Variants in KCNB2 observed in about 807,000 individuals in gnomAD.
KCNB2 encodes delayed rectifier potassium channel protein.
Under a neutral mutation model 61.5 loss-of-function variants are expected in KCNB2, and 15 were observed. The observed-to-expected ratio is 0.24, with a 90% CI of 0.16 to 0.38. The LOEUF (loss-of-function observed/expected upper bound fraction) is 0.38. Among genes scored for constraint, KCNB2 ranks in the 10% least tolerant of loss-of-function variants. The probability of loss-of-function intolerance (pLI) is 1.00; values close to 1 mark genes in which losing one functional copy is unlikely to be tolerated. For synonymous variants in KCNB2, 457 were observed against 446.0 expected (o/e 1.02, Z -0.31); for missense variants, 828 against 1,125.2 (o/e 0.74, Z 3.78).
chr8:72,855,286 T>G (rs1810188514), intron 2 of KCNB2, among the ~76,000 whole-genome samples: 1 of 152,226 alleles, frequency 6.6e-6, no homozygotes, highest in South Asian at 2.1e-4. Context: ...TAGAGAGATC[T>G]TCAAGACTGC....
At chr8:72,794,490 G>A (rs1440998610) in intron 2 of KCNB2, among the ~76,000 whole-genome samples, 6 of 150,610 alleles carry the variant, frequency 4.0e-5, no homozygotes, top group Non-Finnish European at 7.4e-5. Context: ...GCTTGAACCC[G>A]GGAGACAGAG....
At chr8:72,730,375 A>T (rs779908381) in intron 2 of KCNB2, among the ~76,000 whole-genome samples, 1 of 152,236 alleles carries the variant, frequency 6.6e-6, no homozygotes, top group Non-Finnish European at 1.5e-5. Context: ...AATTTGTATT[A>T]ATTTCAAATT....
At chr8:72,669,937 T>G (rs1227952272) in intron 2 of KCNB2, among the ~76,000 whole-genome samples, 3 of 152,200 alleles carry the variant, frequency 2.0e-5, no homozygotes, top group African/African-American at 7.2e-5. Context: ...GCCTAAGAGC[T>G]AATTAGCATC....
intron 2 of KCNB2, among the ~76,000 whole-genome samples, chr8:72,930,296 G>A (rs377051462): frequency 6.6e-6 from 1 of 151,716 alleles, no homozygotes; most frequent in East Asian, 1.9e-4. Flanking sequence ...ATGATTTATA[G>A]TCCTTTGGGT....
intron 2 of KCNB2, among the ~76,000 whole-genome samples, chr8:72,768,584 T>C (rs1187269162): frequency 1.3e-5 from 2 of 152,302 alleles, no homozygotes; most frequent in East Asian, 3.9e-4. Flanking sequence ...TTTTTTGTTG[T>C]TGTTGCTTGT....
chr8:72,675,956 T>G (rs1806647053), intron 2 of KCNB2, among the ~76,000 whole-genome samples: 1 of 152,022 alleles, frequency 6.6e-6, no homozygotes, highest in Non-Finnish European at 1.5e-5. Flanking sequence ...TAATAGCAAT[T>G]ATGTGAGTGC....
At chr8:72,763,443 G>C (rs1808416656) in intron 2 of KCNB2, among the ~76,000 whole-genome samples, 2 of 152,080 alleles carry the variant, frequency 1.3e-5, no homozygotes, top group African/African-American at 4.8e-5. Context: ...GAAAAATCCA[G>C]TGTCTAGATG....
rs78990928 is a variant in KCNB2, at chr8:72,809,753, A to C, written c.580-126182A>C. Among the ~76,000 whole-genome samples, 1,369 of 152,330 alleles carry C rather than the reference A, an allele frequency of 9.0e-3. 16 individuals carry two copies. Among genetic ancestry groups the C allele is most frequent in the African/African-American group, 0.031 (1,283 of 41,564 alleles). On this transcript the variant is annotated intron_variant, in intron 2 of 2. Coordinates refer to ENST00000523207, the MANE Select transcript of KCNB2 (RefSeq NM_004770.3). ...TTCAGTATACCATGGATGGAATCAG[A>C]CCTTCCACCTTAAAATTTAGAAACA...
intron 2 of KCNB2, among the ~76,000 whole-genome samples, chr8:72,600,092 G>T (rs929028971): frequency 5.8e-4 from 88 of 152,166 alleles, no homozygotes; most frequent in Non-Finnish European, 9.1e-4. Context: ...CCCATTATGG[G>T]GTATACACCC....
intron 2 of KCNB2, among the ~76,000 whole-genome samples, chr8:72,734,424 A>G (rs548392673): frequency 1.3e-5 from 2 of 152,336 alleles, no homozygotes; most frequent in South Asian, 4.1e-4. Context: ...ATGAAGTTAC[A>G]AACTGTTGGA....
At chr8:72,561,790 C>CATATATATATATGTATAT (rs1806539845) in intron 1 of KCNB2, among the ~76,000 whole-genome samples, 2 of 40,378 alleles carry the variant, frequency 5.0e-5, no homozygotes, top group African/African-American at 2.4e-4. Flanking sequence ...TATATATATA[C>CATATATATATATGTATAT]ATATATATAT....
intron 2 of KCNB2, among the ~76,000 whole-genome samples, chr8:72,807,279 A>G (rs1227146559): frequency 2.0e-5 from 3 of 152,218 alleles, no homozygotes; most frequent in African/African-American, 7.2e-5. Flanking sequence ...AGCTCTTGAG[A>G]TGAGCATATG....
chr8:72,740,004 A>G (rs1269981986), intron 2 of KCNB2, among the ~76,000 whole-genome samples: 7 of 152,202 alleles, frequency 4.6e-5, no homozygotes, highest in Non-Finnish European at 1.0e-4. Flanking sequence ...CTTTGGGCCT[A>G]GTATAATGAT....
intron 2 of KCNB2, among the ~76,000 whole-genome samples, chr8:72,900,291 A>G (rs1254662227): frequency 6.6e-6 from 1 of 152,224 alleles, no homozygotes; most frequent in South Asian, 2.1e-4. Flanking sequence ...CTGACTAGCC[A>G]TATGCAGAAG....
At chr8:72,734,065 A>G (rs2128993753) in intron 2 of KCNB2, among the ~76,000 whole-genome samples, 1 of 152,320 alleles carries the variant, frequency 6.6e-6, no homozygotes, top group South Asian at 2.1e-4. Context: ...AGTATTTATC[A>G]TCTGCAATCT....
chr8:72,727,339 A>C (rs1359043666), intron 2 of KCNB2, among the ~76,000 whole-genome samples: 1 of 152,212 alleles, frequency 6.6e-6, no homozygotes, highest in Admixed American at 6.5e-5. Context: ...AAATAGGGAT[A>C]AGGGCCTCAT....
At chr8:72,557,106 A>C (rs748466622) in intron 1 of KCNB2, among the ~76,000 whole-genome samples, 3 of 152,124 alleles carry the variant, frequency 2.0e-5, no homozygotes, top group Non-Finnish European at 4.4e-5. Flanking sequence ...TCAACTTGGG[A>C]AGCAGGATTT....
intron 2 of KCNB2, among the ~76,000 whole-genome samples, chr8:72,832,886 G>A (rs1239407889): frequency 1.3e-5 from 2 of 152,162 alleles, no homozygotes; most frequent in African/African-American, 4.8e-5. Context: ...GAGACAGAGA[G>A]CGAGATACTC....
intron 2 of KCNB2, among the ~76,000 whole-genome samples, chr8:72,713,176 G>A (rs1219956021): frequency 6.6e-6 from 1 of 152,252 alleles, no homozygotes; most frequent in African/African-American, 2.4e-5. Context: ...CTCAAACTGG[G>A]TGGGGCCCAC....
Sources: gnomAD v4.1 joint callset for allele counts (sites outside exome capture counted in the v4.1 genomes callset) on GRCh38, gnomAD v4.1.1 for gene constraint, MANE v1.5 for transcripts, NCBI Gene and HGNC (gene_info 2026-07-23, HGNC 2026-07-21) for gene names.